COL5A2: variants seen among roughly 807,000 people sequenced by gnomAD.
COL5A2 encodes the protein collagen alpha-2(V) chain.
Under a neutral mutation model 208.2 loss-of-function variants are expected in COL5A2, and 23 were observed. That is an observed-to-expected ratio of 0.11 (90% CI 0.08 to 0.16). The LOEUF is 0.16. COL5A2 is among the 10% of genes least tolerant of loss of function. COL5A2 has a pLI of 1.00. For synonymous variants in COL5A2, 625 were observed against 628.5 expected, an observed-to-expected ratio of 0.99 and a Z score of 0.08; for missense variants, 1,590 against 1,956.4, an observed-to-expected ratio of 0.81 and a Z score of 3.53.
chr2:189,060,847 A>T, intron 30 of COL5A2, 64 bp from the exon 31 acceptor site: 1 of 1,209,072 alleles, frequency 8.3e-7, no homozygotes, highest in Non-Finnish European at 1.2e-6. Flanking sequence ...ACCAGTGTTA[A>T]CAGTTTACCT....
the COL5A2 span, among the ~76,000 whole-genome samples, chr2:189,386,665 T>C: frequency 6.6e-6 from 1 of 152,170 alleles, no homozygotes. Context: ...AGGCAAAGGA[T>C]ATGAACACAT....
intron 1 of COL5A2, among the ~76,000 whole-genome samples, chr2:189,132,885 C>CGATCTGGTT (rs1169952043): frequency 1.3e-5 from 2 of 151,716 alleles, no homozygotes; most frequent in Non-Finnish European, 2.9e-5. Context: ...CGCACCACTG[C>CGATCTGGTT]ACTCCAGCCT....
chr2:189,093,538 G>T (rs1242578714), intron 6 of COL5A2, among the ~76,000 whole-genome samples: 1 of 152,024 alleles, frequency 6.6e-6, no homozygotes, highest in African/African-American at 2.4e-5. Context: ...TGGCATCATA[G>T]CTATTCAGAA....
upstream of COL5A2, among the ~76,000 whole-genome samples, chr2:189,226,501 T>C (rs559914043): frequency 6.6e-5 from 10 of 152,170 alleles, no homozygotes; most frequent in African/African-American, 2.4e-4. Flanking sequence ...CAGAGCACCA[T>C]GTGATTGGAG....
intron 1 of COL5A2, among the ~76,000 whole-genome samples, chr2:189,206,579 C>T (rs1689146123): frequency 6.6e-6 from 1 of 152,128 alleles, no homozygotes; most frequent in Admixed American, 6.5e-5. Context: ...CTGTTAAAAC[C>T]ATGAAGGACT....
At chr2:189,258,329 C>T in the COL5A2 span, among the ~76,000 whole-genome samples, 2 of 152,148 alleles carry the variant, frequency 1.3e-5, no homozygotes, top group Admixed American at 1.3e-4. Flanking sequence ...TTTTCTTCCA[C>T]TGGTCCATAA....
At chr2:189,189,676 G>A (rs1576580782) in intron 1 of COL5A2, among the ~76,000 whole-genome samples, 2 of 85,952 alleles carry the variant, frequency 2.3e-5, no homozygotes, top group East Asian at 7.1e-4. Context: ...AAATATGTAT[G>A]TGTGCATGTA....
intron 7 of COL5A2, among the ~76,000 whole-genome samples, chr2:189,089,773 T>A (rs1257906424): frequency 6.6e-6 from 1 of 152,166 alleles, no homozygotes; most frequent in Non-Finnish European, 1.5e-5. Context: ...TGTTCAGTGA[T>A]CTTGATGTTA....
intron 1 of COL5A2, among the ~76,000 whole-genome samples, chr2:189,155,127 A>T (rs191763915): frequency 4.6e-5 from 7 of 152,114 alleles, no homozygotes; most frequent in Non-Finnish European, 4.4e-5. Flanking sequence ...CTAGACGTGC[A>T]TGCCACCAAA....
the COL5A2 span, among the ~76,000 whole-genome samples, chr2:189,433,150 C>T: frequency 8.5e-5 from 13 of 152,142 alleles, no homozygotes; most frequent in Non-Finnish European, 1.6e-4. Flanking sequence ...AAAGATAAAA[C>T]GTACCAGAAT....
Position 189,068,282 on chromosome 2 carries a change from A to G in COL5A2, c.1258-12T>C, listed in dbSNP as rs369366563. On this transcript the variant is annotated splice_polypyrimidine_tract_variant and intron_variant, in intron 19 of 53. Transcript: ENST00000374866. ...GTTCCTATTGCACCCTAAAAGGTAC[A>G]TTAAAAGTATGTAATGAAATATTAA... 6.2e-7 allele frequency: 1 copy of G among 1,607,310 alleles called. No individual in the cohort carries two copies. Among genetic ancestry groups the G allele is most frequent in the African/African-American group, 1.3e-5 (1 of 74,772 alleles).
chr2:189,427,702 G>A, the COL5A2 span, among the ~76,000 whole-genome samples: 6 of 152,206 alleles, frequency 3.9e-5, no homozygotes. Context: ...AGCATGCCCT[G>A]AATATGGGAC....
chr2:189,191,864 A>G (rs1350652740), intron 1 of COL5A2, among the ~76,000 whole-genome samples: 2 of 152,096 alleles, frequency 1.3e-5, no homozygotes, highest in Non-Finnish European at 2.9e-5. Flanking sequence ...AGAGACATCA[A>G]TAATATCCCC....
intron 21 of COL5A2, among the ~76,000 whole-genome samples, chr2:189,067,594 T>A (rs1326444247): frequency 6.6e-6 from 1 of 152,190 alleles, no homozygotes. Context: ...TCAATCTGAT[T>A]AATATATTTG....
chr2:189,308,605 T>C, the COL5A2 span, among the ~76,000 whole-genome samples: 5,615 of 152,252 alleles, frequency 0.037, 118 homozygotes, highest in Admixed American at 0.05. Context: ...TCTGAAGCTG[T>C]TACCAGGAGG....
chr2:189,279,220 T>A, the COL5A2 span, among the ~76,000 whole-genome samples: 2 of 151,400 alleles, frequency 1.3e-5, no homozygotes, highest in African/African-American at 2.4e-5. Flanking sequence ...AAGAACTTGA[T>A]AAAGAAAAGG....
chr2:189,045,748 CAT>C (rs1175299284), intron 46 of COL5A2, 50 bp downstream of exon 46: 4 of 1,381,718 alleles, frequency 2.9e-6, no homozygotes, highest in African/African-American at 1.4e-5. Context: ...CAGCTTATAA[CAT>C]AGCATATGGG....
chr2:189,347,104 T>C, the COL5A2 span, among the ~76,000 whole-genome samples: 1 of 152,226 alleles, frequency 6.6e-6, no homozygotes, highest in African/African-American at 2.4e-5. Flanking sequence ...ATCAGAGGTA[T>C]GAAATCTGCA....
the COL5A2 span, among the ~76,000 whole-genome samples, chr2:189,276,240 A>G: frequency 1.8e-4 from 27 of 152,306 alleles, no homozygotes; most frequent in East Asian, 5.0e-3. Context: ...TTATCTCATC[A>G]ACCAAGTTCT....
Sources: allele counts gnomAD v4.1 joint callset (sites outside exome capture counted in the v4.1 genomes callset), GRCh38; gene constraint gnomAD v4.1.1; transcripts MANE v1.5; gene names NCBI Gene and HGNC (gene_info 2026-07-23, HGNC 2026-07-21).